NSUN6: variants seen among roughly 807,000 people sequenced by gnomAD.
The protein encoded by NSUN6 is NOP2/Sun RNA methyltransferase 6, also known as tRNA (cytosine(72)-C(5))-methyltransferase NSUN6.
A neutral mutation model predicts 58.0 loss-of-function variants in NSUN6; 64 were observed. The observed-to-expected ratio is 1.10, with a 90% CI of 0.90 to 1.36. The LOEUF is 1.36. NSUN6 is among the 40% of genes most tolerant of loss of function. NSUN6 has a pLI of 0.00. For missense variants in NSUN6, 701 were observed against 550.1 expected (o/e 1.27, Z -2.74); for synonymous variants, 231 against 193.9 (o/e 1.19, Z -1.59).
At chr10:18,596,077 C>T (rs1033706026) in intron 7 of NSUN6, 131 bp downstream of exon 7, 3 of 695,958 alleles carry the variant, frequency 4.3e-6, no homozygotes, top group Non-Finnish European at 7.5e-6. Context: ...TAGTGACTGA[C>T]ATAACTGAAT....
At chr10:18,553,019 C>G (rs1326503288) in intron 8 of NSUN6, among the ~76,000 whole-genome samples, 1 of 151,012 alleles carries the variant, frequency 6.6e-6, no homozygotes, top group Non-Finnish European at 1.5e-5. Flanking sequence ...AATCTATTCT[C>G]CATTTCATTC....
At chr10:18,589,876 T>A (rs2057312017) in intron 7 of NSUN6, among the ~76,000 whole-genome samples, 1 of 152,194 alleles carries the variant, frequency 6.6e-6, no homozygotes, top group South Asian at 2.1e-4. Flanking sequence ...CAAGCTAGCA[T>A]CATGATGACA....
Position 18,627,589 on chromosome 10 carries a change from C to A in NSUN6, c.312-11296G>T, listed in dbSNP as rs180857198. The stretch of plus-strand genomic sequence containing the variant: ...CGAGCCAAAGCAGGGCGAGGCATTG[C>A]CTCACTCGGGAAGCACAAGGGGTCA... On this transcript the variant is annotated intron_variant, in intron 3 of 10. Transcript: ENST00000377304. 3.7e-3 allele frequency among the ~76,000 whole-genome samples: 568 copies of A among 152,302 alleles called. 7 individuals are homozygous for A. The highest frequency in any genetic ancestry group is 0.013 in the African/African-American group (543 of 41,564).
chr10:18,646,640 C>T (rs935889994), intron 2 of NSUN6, among the ~76,000 whole-genome samples: 1 of 152,112 alleles, frequency 6.6e-6, no homozygotes, highest in African/African-American at 2.4e-5. Flanking sequence ...GTCAGGAGTT[C>T]GAGACCAGCC....
chr10:18,651,104 C>A, intron 1 of NSUN6, 25 bp downstream of exon 1: 1 of 1,570,486 alleles, frequency 6.4e-7, no homozygotes, highest in Non-Finnish European at 8.6e-7. Flanking sequence ...TGCAAAATAT[C>A]AACTAACATC....
intron 3 of NSUN6, among the ~76,000 whole-genome samples, chr10:18,630,591 G>T (rs2058993887): frequency 6.6e-6 from 1 of 152,174 alleles, no homozygotes; most frequent in African/African-American, 2.4e-5. Context: ...CAATCCCACA[G>T]AAATACAAAC....
intron 8 of NSUN6, among the ~76,000 whole-genome samples, chr10:18,554,208 G>C (rs1426139384): frequency 2.0e-5 from 3 of 150,974 alleles, no homozygotes; most frequent in African/African-American, 7.3e-5. Flanking sequence ...GGAATGGAAT[G>C]CAGAATGATA....
intron 3 of NSUN6, among the ~76,000 whole-genome samples, chr10:18,632,969 C>T (rs1003187549): frequency 2.2e-4 from 34 of 152,110 alleles, no homozygotes; most frequent in African/African-American, 5.5e-4. Flanking sequence ...ATGTTTATTC[C>T]GGCATTATTC....
intron 6 of NSUN6, among the ~76,000 whole-genome samples, chr10:18,608,819 G>A (rs2058129904): frequency 1.3e-5 from 2 of 151,994 alleles, no homozygotes; most frequent in Non-Finnish European, 2.9e-5. Context: ...TAATAAACAA[G>A]CACAAAAAAA....
chr10:18,555,811 G>A (rs1286426212), intron 8 of NSUN6, among the ~76,000 whole-genome samples: 1 of 149,928 alleles, frequency 6.7e-6, no homozygotes, highest in Non-Finnish European at 1.5e-5. Context: ...AGGATGGAAT[G>A]GAATGGAAAG....
intron 7 of NSUN6, among the ~76,000 whole-genome samples, chr10:18,590,660 G>A (rs2057345065): frequency 6.6e-6 from 1 of 152,082 alleles, no homozygotes; most frequent in African/African-American, 2.4e-5. Context: ...ATGACTACTG[G>A]GTAAATAAAA....
At chr10:18,642,176 G>T (rs1406681655) in intron 3 of NSUN6, among the ~76,000 whole-genome samples, 1 of 151,832 alleles carries the variant, frequency 6.6e-6, no homozygotes, top group Non-Finnish European at 1.5e-5. Context: ...AAATTCATAT[G>T]AAATACAAGT....
intron 8 of NSUN6, among the ~76,000 whole-genome samples, chr10:18,576,481 T>C (rs983268945): frequency 3.9e-5 from 6 of 152,192 alleles, no homozygotes; most frequent in Non-Finnish European, 7.3e-5. Flanking sequence ...AAGGATGGAC[T>C]GCCCCAAAAG....
At chr10:18,557,011 AATAG>A (rs1310703020) in intron 8 of NSUN6, among the ~76,000 whole-genome samples, 3 of 150,788 alleles carry the variant, frequency 2.0e-5, no homozygotes. Flanking sequence ...AATGGAATAG[AATAG>A]ATAGTGGAAT....
chr10:18,582,271 C>T (rs996684455), intron 8 of NSUN6, among the ~76,000 whole-genome samples: 11 of 152,182 alleles, frequency 7.2e-5, no homozygotes, highest in African/African-American at 2.2e-4. Context: ...GCCTGACCGT[C>T]ACCTGATGCT....
At chr10:18,642,338 T>C (rs1395094940) in intron 3 of NSUN6, 138 bp downstream of exon 3, 2 of 572,596 alleles carry the variant, frequency 3.5e-6, no homozygotes, top group African/African-American at 3.8e-5. Flanking sequence ...TCTGCATTTA[T>C]GAAGTTTTGA....
intron 6 of NSUN6, among the ~76,000 whole-genome samples, chr10:18,600,354 G>A (rs570346053): frequency 3.9e-4 from 59 of 152,322 alleles, no homozygotes; most frequent in African/African-American, 1.3e-3. Context: ...GCCGGTTGTG[G>A]TGGCTCATGC....
intron 8 of NSUN6, among the ~76,000 whole-genome samples, chr10:18,575,081 T>C (rs1408028306): frequency 1.3e-5 from 2 of 152,178 alleles, no homozygotes; most frequent in South Asian, 2.1e-4. Flanking sequence ...AAAATGGATA[T>C]TGCCAGACCA....
Position 18,585,846 on chromosome 10 carries a change from C to A in NSUN6, c.922+103G>T. On this transcript the variant is annotated intron_variant, in intron 8 of 10. Coordinates refer to ENST00000377304, the MANE Select transcript of NSUN6 (RefSeq NM_182543.5). The stretch of plus-strand genomic sequence containing the variant: ...GATATGTTAATTAGCTTGTTTTAAT[C>A]ATTCCACATTGTATACAAAATTATA... The A allele has an allele frequency of 3.6e-6, 3 of 829,440 alleles. No homozygotes were observed. The South Asian group carries it at 5.6e-5, about 16-fold the overall frequency. The allele number at this position is 829,440 out of a possible 1,614,324, so 51.4% of individuals were successfully genotyped here.
Sources: allele counts gnomAD v4.1 joint callset (sites outside exome capture counted in the v4.1 genomes callset), GRCh38; gene constraint gnomAD v4.1.1; transcripts MANE v1.5; gene names NCBI Gene and HGNC (gene_info 2026-07-23, HGNC 2026-07-21).